TBC1D22A: variants seen among roughly 807,000 people sequenced by gnomAD.
TBC1D22A encodes TBC1 domain family member 22A, also known as putative GTPase activator.
TBC1D22A carries 38 observed loss-of-function variants against 60.2 expected under a neutral mutation model. The observed-to-expected ratio is 0.63, with a 90% CI of 0.49 to 0.83. TBC1D22A has a LOEUF of 0.83. Ranked by LOEUF, TBC1D22A falls within the 40% of genes least tolerant of loss-of-function variation. TBC1D22A has a pLI of 0.00. For synonymous variants in TBC1D22A, 302 were observed against 281.7 expected (o/e 1.07, Z -0.72); for missense variants, 628 against 701.0 (o/e 0.90, Z 1.18).
intron 9 of TBC1D22A, among the ~76,000 whole-genome samples, chr22:46,991,908 C>T (rs2074956641): frequency 6.6e-6 from 1 of 152,172 alleles, no homozygotes; most frequent in Non-Finnish European, 1.5e-5. Context: ...GTGCCTGAAC[C>T]CTCTCTCTCA....
intron 1 of TBC1D22A, chr22:46,773,809 C>T: frequency 4.2e-6 from 2 of 476,684 alleles, no homozygotes; most frequent in African/African-American, 2.1e-5. Flanking sequence ...GTGTAGTCCT[C>T]ATAGCAGCTG....
rs576671921 is a variant in TBC1D22A at position 47,118,890 on chromosome 22, G to A, written c.1425+7287G>A. Among the ~76,000 whole-genome samples, 138 of 152,272 alleles carry A rather than the reference G, an allele frequency of 9.1e-4. 5 individuals carry two copies. In the South Asian group the frequency reaches 0.022, roughly 25 times the overall value. On this transcript the variant is annotated intron_variant, in intron 12 of 12. Transcript: ENST00000337137. The stretch of plus-strand genomic sequence containing the variant: ...AACCTGGCCAGGTGCGGTGGCTCAC[G>A]CCTGTAATCCCAGCACTTTGGAAGG...
In TBC1D22A at chr22:47,037,210, T is replaced by C. The variant is rs1279447754; in HGVS notation, c.1329+12T>C. On this transcript the variant is annotated intron_variant, in intron 11 of 12. Coordinates refer to ENST00000337137, the MANE Select transcript of TBC1D22A (RefSeq NM_014346.5). The stretch of plus-strand genomic sequence containing the variant: ...GGGACACCTACCAGGTGAGCTCTCC[T>C]TCGCACCCTCCGCCATGGGGGTGCC... The C allele has an allele frequency of 6.2e-7, 1 of 1,612,384 alleles. No individual in the cohort carries two copies. Among genetic ancestry groups the C allele is most frequent in the African/African-American group, 1.3e-5 (1 of 74,926 alleles).
chr22:46,930,448 T>C (rs1220999597), intron 8 of TBC1D22A, among the ~76,000 whole-genome samples: 2 of 152,038 alleles, frequency 1.3e-5, no homozygotes, highest in African/African-American at 2.4e-5. Flanking sequence ...CTGTTTTTTT[T>C]CCTTGCATTT....
At chr22:46,768,006 T>C (rs2083343692) in intron 1 of TBC1D22A, 1 of 152,746 alleles carries the variant, frequency 6.5e-6, no homozygotes, top group Non-Finnish European at 1.5e-5. Context: ...ATGGTCTGCA[T>C]TAGGTTTAAT....
chr22:46,770,374 G>A (rs950811103), intron 1 of TBC1D22A, among the ~76,000 whole-genome samples: 1 of 152,224 alleles, frequency 6.6e-6, no homozygotes. Flanking sequence ...GCTGGCTGAC[G>A]CCTGGACTTC....
chr22:46,784,132 A>G (rs1051639189), intron 1 of TBC1D22A, among the ~76,000 whole-genome samples: 1 of 152,122 alleles, frequency 6.6e-6, no homozygotes, highest in Non-Finnish European at 1.5e-5. Flanking sequence ...TGCAACCTCA[A>G]TCTCCTGGGC....
chr22:46,831,608 A>G (rs2086313572), intron 4 of TBC1D22A, among the ~76,000 whole-genome samples: 1 of 152,176 alleles, frequency 6.6e-6, no homozygotes, highest in South Asian at 2.1e-4. Context: ...TTACCAAACA[A>G]TCCCCTGATA....
intron 11 of TBC1D22A, among the ~76,000 whole-genome samples, chr22:47,093,335 A>G (rs1388592600): frequency 1.3e-5 from 2 of 152,146 alleles, no homozygotes; most frequent in African/African-American, 4.8e-5. Flanking sequence ...CCTTGCTAAA[A>G]TATGTAAATC....
At chr22:47,139,556 G>A (rs964667547) in intron 12 of TBC1D22A, among the ~76,000 whole-genome samples, 9 of 152,184 alleles carry the variant, frequency 5.9e-5, no homozygotes, top group Non-Finnish European at 1.0e-4. Flanking sequence ...GCTTTGGGTC[G>A]GCTCCCCCTC....
intron 12 of TBC1D22A, among the ~76,000 whole-genome samples, chr22:47,125,105 G>C (rs1423958393): frequency 3.3e-5 from 5 of 152,098 alleles, no homozygotes; most frequent in East Asian, 3.9e-4. Context: ...GGCCCATGGG[G>C]CAGCGCCCTC....
In TBC1D22A at chr22:47,139,793, C is replaced by T. The variant is rs181604641; in HGVS notation, c.1425+28190C>T. 5.1e-3 allele frequency among the ~76,000 whole-genome samples: 783 copies of T among 152,350 alleles called. 4 individuals are homozygous for T. The highest frequency in any genetic ancestry group is 0.017 in the African/African-American group (700 of 41,580). On this transcript the variant is annotated intron_variant, in intron 12 of 12. Coordinates refer to ENST00000337137, the MANE Select transcript of TBC1D22A (RefSeq NM_014346.5). ...AGGAGTGGCGGCAGGAGAAGCCCCG[C>T]TCTCACTGCCTCACCGCCCTGCTTA...
Position 46,878,935 on chromosome 22 carries a change from T to A in TBC1D22A, c.708+212T>A, listed in dbSNP as rs553278059. Among the ~76,000 whole-genome samples, 11 of 152,344 alleles carry A rather than the reference T, an allele frequency of 7.2e-5. No homozygotes were observed. The South Asian group carries it at 2.3e-3, about 32-fold the overall frequency. On this transcript the variant is annotated intron_variant, in intron 5 of 12. Transcript: ENST00000337137. Reference sequence around the variant, plus strand: ...AGGACTGGCAGAAAACAAGAATAGGTAATAATTATGACAACTATATTTTTT... The same window carrying A: ...AGGACTGGCAGAAAACAAGAATAGGAAATAATTATGACAACTATATTTTTT...
At chr22:47,053,616 C>T (rs2063297889) in intron 11 of TBC1D22A, among the ~76,000 whole-genome samples, 2 of 152,188 alleles carry the variant, frequency 1.3e-5, no homozygotes, top group Admixed American at 1.3e-4. Context: ...AGGAGGGAGG[C>T]CTCTGTGCAC....
At chr22:46,928,960 C>CG in intron 8 of TBC1D22A, among the ~76,000 whole-genome samples, 1 of 151,282 alleles carries the variant, frequency 6.6e-6, no homozygotes, top group Non-Finnish European at 1.5e-5. Context: ...ATGTGGGGGC[C>CG]GGGGGATTGA....
At chr22:46,914,195 G>A (rs2070175084) in intron 8 of TBC1D22A, 1 of 152,186 alleles carries the variant, frequency 6.6e-6, no homozygotes, top group African/African-American at 2.4e-5. Flanking sequence ...GAGCACTTAA[G>A]GAGGTTGATG....
intron 9 of TBC1D22A, among the ~76,000 whole-genome samples, chr22:46,992,639 G>A (rs2074988264): frequency 2.0e-5 from 3 of 152,246 alleles, no homozygotes; most frequent in Admixed American, 1.3e-4. Context: ...TTTCTGGCAC[G>A]TAGGAGGCTT....
At chr22:46,911,979 A>G in intron 7 of TBC1D22A, 95 bp from the exon 8 acceptor site, 1 of 795,540 alleles carries the variant, frequency 1.3e-6, no homozygotes, top group Non-Finnish European at 2.1e-6. Flanking sequence ...AGCAATGAGA[A>G]AATACAGTGT....
chr22:47,162,972 T>C (rs2068054900), intron 12 of TBC1D22A, among the ~76,000 whole-genome samples: 2 of 152,216 alleles, frequency 1.3e-5, no homozygotes, highest in South Asian at 4.1e-4. Flanking sequence ...ACGCCCAATC[T>C]GCGAACCCCA....
Sources: allele counts gnomAD v4.1 joint callset (sites outside exome capture counted in the v4.1 genomes callset), GRCh38; gene constraint gnomAD v4.1.1; transcripts MANE v1.5; gene names NCBI Gene and HGNC (gene_info 2026-07-23, HGNC 2026-07-21).